Variants in NDUFB2 observed in about 807,000 individuals in gnomAD.
NDUFB2 encodes the protein NADH dehydrogenase [ubiquinone] 1 beta subcomplex subunit 2, mitochondrial.
In NDUFB2, 13 loss-of-function variants were observed where a neutral mutation model predicts 13.4. The observed-to-expected ratio is 0.97, with a 90% CI of 0.63 to 1.54. NDUFB2 has a LOEUF of 1.54. Among genes scored for constraint, NDUFB2 ranks in the 40% most tolerant of loss-of-function variants. The pLI, the probability that NDUFB2 is intolerant of heterozygous loss-of-function variation, is 0.00. For synonymous variants in NDUFB2, 47 were observed against 50.6 expected (o/e 0.93, Z 0.30); for missense variants, 150 against 139.7 (o/e 1.07, Z -0.37).
In NDUFB2 at chr7:140,706,547, T is replaced by C. The variant is rs1040211263; in HGVS notation, c.*30-16T>C. ...TATAAAAGTACTTAAAGCTTTCTAC[T>C]TTTGTTTTCCTGCAGGAGCCAGGTG... is the stretch of plus-strand genomic sequence containing the variant. On this transcript the variant is annotated splice_polypyrimidine_tract_variant and intron_variant, in intron 3 of 3. Transcript: ENST00000247866. The C allele has an allele frequency of 1.3e-5, 2 of 152,062 alleles. No individual in the cohort carries two copies. The highest frequency in any genetic ancestry group is 2.9e-5 in the Non-Finnish European group (2 of 68,012). 9.4% of individuals were successfully genotyped at this position (152,062 alleles called of 1,614,324 possible).
At chr7:140,697,038 G>T in intron 1 of NDUFB2, 196 bp downstream of exon 1, 1 of 609,864 alleles carries the variant, frequency 1.6e-6, no homozygotes, top group South Asian at 2.0e-5. Flanking sequence ...GAGAGACTTC[G>T]CTGGGCAGAT....
At chr7:140,699,400 C>T (rs1794865510) in intron 1 of NDUFB2, among the ~76,000 whole-genome samples, 1 of 152,144 alleles carries the variant, frequency 6.6e-6, no homozygotes, top group Non-Finnish European at 1.5e-5. Flanking sequence ...GAGGGTGCCA[C>T]CCCAATTCAG....
intron 1 of NDUFB2, among the ~76,000 whole-genome samples, chr7:140,701,550 C>T (rs945915795): frequency 1.3e-5 from 2 of 152,004 alleles, no homozygotes; most frequent in East Asian, 3.9e-4. Context: ...ATTGCTTGAG[C>T]CCAGGAGGTG....
In NDUFB2 at chr7:140,702,889, A is replaced by G. The variant is rs1407148672; in HGVS notation, c.122A>G (p.Glu41Gly). ...AGTGCCGGTGGTGGTGTGCACATTG[A>G]GCCCCGGTATAGACAGTTCCCCCAG... Reference protein sequence around the residue: ...VRHAGGGVHIEPRYRQFPQLT... With the variant: ...VRHAGGGVHIGPRYRQFPQLT... Residue 41 changes from glutamate to glycine, a missense_variant, in exon 2 of 4, where the codon GAG (glutamate) becomes GGG (glycine). Glu to Gly is a moderately conservative substitution (Grantham distance 98, BLOSUM62 -2). Coordinates refer to ENST00000247866, the MANE Select transcript of NDUFB2 (RefSeq NM_004546.3). 6.2e-7 allele frequency: 1 copy of G among 1,614,084 alleles called. No individual in the cohort carries two copies. Among genetic ancestry groups the G allele is most frequent in the Non-Finnish European group, 8.5e-7 (1 of 1,180,032 alleles).
At chr7:140,702,691 CATG>C (rs1794912952) in intron 1 of NDUFB2, 172 bp from the exon 2 acceptor site, 1 of 748,340 alleles carries the variant, frequency 1.3e-6, no homozygotes, top group African/African-American at 1.7e-5. Flanking sequence ...TGCTGCTACA[CATG>C]AAGCAAGCTT....
chr7:140,704,051 G>A (rs972916551), intron 2 of NDUFB2, among the ~76,000 whole-genome samples: 5 of 152,178 alleles, frequency 3.3e-5, no homozygotes, highest in African/African-American at 1.2e-4. Flanking sequence ...CACTGCGCCC[G>A]GCCAGTTTTA....
At chr7:140,698,358 C>T in intron 1 of NDUFB2, 4 of 1,319,040 alleles carry the variant, frequency 3.0e-6, no homozygotes, top group Non-Finnish European at 4.0e-6. Flanking sequence ...TATGGCTGCT[C>T]CTTTCTAGGT....
chr7:140,699,286 C>T (rs1269999223), intron 1 of NDUFB2, among the ~76,000 whole-genome samples: 3 of 152,192 alleles, frequency 2.0e-5, no homozygotes, highest in Non-Finnish European at 4.4e-5. Context: ...CATTCTCTTT[C>T]CTTCTTACAG....
chr7:140,697,455 G>A (rs1255977047), intron 1 of NDUFB2: 2 of 698,868 alleles, frequency 2.9e-6, no homozygotes, highest in Non-Finnish European at 5.2e-6. Context: ...AGAGTGACAG[G>A]CAGAGCCGCC....
At chr7:140,702,483 CAAAT>C (rs1027176471) in intron 1 of NDUFB2, 9 of 234,896 alleles carry the variant, frequency 3.8e-5, no homozygotes, top group Non-Finnish European at 6.6e-5. Context: ...TAATTTGCCT[CAAAT>C]AGATAGCTAA....
chr7:140,702,202 G>C (rs540034286), intron 1 of NDUFB2: 1 of 558,494 alleles, frequency 1.8e-6, no homozygotes, highest in Admixed American at 3.2e-5. Context: ...CTGATGAATA[G>C]GTTTTAGGAA....
At chr7:140,697,979 C>G (rs1585862077) in intron 1 of NDUFB2, 1 of 1,285,948 alleles carries the variant, frequency 7.8e-7, no homozygotes, top group Non-Finnish European at 1.0e-6. Flanking sequence ...GGAATACAGG[C>G]GAGCCACTGC....
rs769916460 is a variant in NDUFB2 at position 140,703,002 on chromosome 7, G to C, written c.235G>C (p.Glu79Gln). The C allele has an allele frequency of 2.5e-6, 4 of 1,614,086 alleles. No homozygotes were observed. The Admixed American group carries it at 6.7e-5, about 27-fold the overall frequency. ...ILWRFWHDSE[E>Q]VLGHFPYPDP... ...CTGGCGCTTTTGGCATGACTCAGAA[G>C]AGGTGCTGGTAAGTGCAGGAGAAGA... The change falls in exon 2 of 4, where the codon GAG (glutamate) becomes CAG (glutamine). Residue 79 changes from glutamate (E) to glutamine (Q), a missense_variant. Glu to Gln is a conservative substitution (Grantham distance 29). Transcript: ENST00000247866.
Position 140,696,730 on chromosome 7 carries a change from C to G in NDUFB2, c.-15C>G, listed in dbSNP as rs1223327003. On this transcript the variant is annotated 5_prime_UTR_variant, in exon 1 of 4. Transcript: ENST00000247866. ...GGCGAGGCGGCTGGGGACCGCGGGG[C>G]GGACGGGAGCGAGTATGTCCGCTCT... The G allele has an allele frequency of 6.4e-7, 1 of 1,573,176 alleles. No individual in the cohort carries two copies. The highest frequency in any genetic ancestry group is 1.8e-5 in the Admixed American group (1 of 54,142).
chr7:140,704,047 G>A (rs578038843), intron 2 of NDUFB2, among the ~76,000 whole-genome samples: 1 of 152,302 alleles, frequency 6.6e-6, no homozygotes, highest in East Asian at 1.9e-4. Flanking sequence ...GAGCCACTGC[G>A]CCCGGCCAGT....
intron 2 of NDUFB2, 86 bp downstream of exon 2, chr7:140,703,096 C>A: frequency 6.5e-7 from 1 of 1,530,516 alleles, no homozygotes; most frequent in Non-Finnish European, 8.9e-7. Flanking sequence ...TGTTGTAGAC[C>A]ATTTTTCTGT....
At chr7:140,699,295 A>G (rs1490343837) in intron 1 of NDUFB2, among the ~76,000 whole-genome samples, 1 of 152,198 alleles carries the variant, frequency 6.6e-6, no homozygotes, top group Non-Finnish European at 1.5e-5. Flanking sequence ...TCCTTCTTAC[A>G]GGACTTGCTG....
intron 1 of NDUFB2, chr7:140,697,169 C>T (rs1794821741): frequency 3.4e-6 from 2 of 594,798 alleles, no homozygotes; most frequent in Non-Finnish European, 5.9e-6. Context: ...GCGGAGGAAG[C>T]AGCGTGCGCG....
rs1445294817 is a variant in NDUFB2, at chr7:140,697,344, C to T, written c.98+502C>T. 4 of 702,794 alleles carry T rather than the reference C, an allele frequency of 5.7e-6. 1 individual carries two copies. Among genetic ancestry groups the T allele is most frequent in the South Asian group, 3.0e-5 (2 of 67,602 alleles). The allele number at this position is 702,794 out of a possible 1,614,324, so 43.5% of individuals were successfully genotyped here. On this transcript the variant is annotated intron_variant, in intron 1 of 3. Coordinates refer to ENST00000247866, the MANE Select transcript of NDUFB2 (RefSeq NM_004546.3). ...GCCGCTTTTTAATGCTGAAAAATCA[C>T]TCTGGCTGCAGGGAGTGGAGGCTGT...
Sources: allele counts gnomAD v4.1 joint callset (sites outside exome capture counted in the v4.1 genomes callset), GRCh38; gene constraint gnomAD v4.1.1; transcripts MANE v1.5; gene names NCBI Gene and HGNC (gene_info 2026-07-23, HGNC 2026-07-21).